Variants in DLG2 observed in about 807,000 individuals in gnomAD.
DLG2 encodes the protein disks large homolog 2.
DLG2 carries 45 observed loss-of-function variants against 132.5 expected under a neutral mutation model. The ratio of observed to expected loss-of-function variants is 0.34; its 90% confidence interval spans 0.27 to 0.44. The LOEUF (loss-of-function observed/expected upper bound fraction) is 0.44, where lower values mean the gene tolerates loss of function less well. Among genes scored for constraint, DLG2 ranks in the 20% least tolerant of loss-of-function variants. The probability of loss-of-function intolerance (pLI) is 1.00; values close to 1 mark genes in which losing one functional copy is unlikely to be tolerated. For synonymous variants in DLG2, 424 were observed against 419.6 expected, an observed-to-expected ratio of 1.01 and a Z score of -0.13; for missense variants, 1,045 against 1,196.9, an observed-to-expected ratio of 0.87 and a Z score of 1.87.
intron 19 of DLG2, among the ~76,000 whole-genome samples, chr11:83,602,335 C>T (rs1167094196): frequency 1.3e-5 from 2 of 152,214 alleles, no homozygotes; most frequent in African/African-American, 2.4e-5. Flanking sequence ...ACAGATTAGT[C>T]ATCTGAGTCA....
At chr11:85,529,996 T>G (rs930075181) in intron 3 of DLG2, among the ~76,000 whole-genome samples, 2 of 149,912 alleles carry the variant, frequency 1.3e-5, no homozygotes, top group African/African-American at 4.9e-5. Context: ...TGTTTTTTTT[T>G]TTTTTTTTTT....
At chr11:83,935,743 T>G (rs1234940848) in intron 14 of DLG2, among the ~76,000 whole-genome samples, 7 of 152,258 alleles carry the variant, frequency 4.6e-5, no homozygotes, top group Admixed American at 2.6e-4. Context: ...TTAAAAAGAT[T>G]TTTCTGTTTA....
intron 6 of DLG2, among the ~76,000 whole-genome samples, chr11:84,927,816 G>C (rs775459104): frequency 3.9e-5 from 6 of 151,934 alleles, no homozygotes; most frequent in African/African-American, 9.7e-5. Context: ...CTAGAGCAGT[G>C]GTACTCAAAG....
At chr11:85,117,556 C>G (rs2073788351) in intron 5 of DLG2, among the ~76,000 whole-genome samples, 1 of 150,490 alleles carries the variant, frequency 6.6e-6, no homozygotes, top group African/African-American at 2.4e-5. Flanking sequence ...TTCTTATTTC[C>G]CTCTTATGCT....
chr11:84,402,649 G>A (rs1302945597), intron 7 of DLG2, among the ~76,000 whole-genome samples: 1 of 151,882 alleles, frequency 6.6e-6, no homozygotes, highest in East Asian at 1.9e-4. Context: ...TTGAGAGGCC[G>A]AGGCGGGCGG....
In DLG2 at chr11:84,425,981, G is replaced by A. The variant is rs141673377; in HGVS notation, c.519+108589C>T. On this transcript the variant is annotated intron_variant, in intron 7 of 27. Coordinates refer to ENST00000376104, the MANE Select transcript of DLG2 (RefSeq NM_001142699.3). ...TTTGTTGTTGTTGTTGTTTTTTAAT[G>A]GAAGCAGGGCACTGAAGACATGGTA... 5.2e-3 allele frequency among the ~76,000 whole-genome samples: 796 copies of A among 152,130 alleles called. 11 individuals carry two copies. The highest frequency in any genetic ancestry group is 0.019 in the African/African-American group (768 of 41,498).
intron 6 of DLG2, among the ~76,000 whole-genome samples, chr11:84,919,101 A>G (rs1168857646): frequency 6.6e-6 from 1 of 152,130 alleles, no homozygotes; most frequent in Non-Finnish European, 1.5e-5. Flanking sequence ...ATTTTAATTG[A>G]GCCCAATTTC....
chr11:83,543,532 C>T (rs902763011), intron 19 of DLG2, among the ~76,000 whole-genome samples: 2 of 152,120 alleles, frequency 1.3e-5, no homozygotes, highest in Admixed American at 6.6e-5. Flanking sequence ...AGTCTTACAG[C>T]TAGTCAGCTG....
At chr11:83,832,184 T>C (rs7949466) in intron 17 of DLG2, among the ~76,000 whole-genome samples, 1 of 152,136 alleles carries the variant, frequency 6.6e-6, no homozygotes, top group Non-Finnish European at 1.5e-5. Flanking sequence ...TGTGTGCCTA[T>C]AGTCACCAAT....
At chr11:85,027,777 C>A (rs1248446743) in intron 6 of DLG2, among the ~76,000 whole-genome samples, 1 of 152,196 alleles carries the variant, frequency 6.6e-6, no homozygotes, top group Non-Finnish European at 1.5e-5. Flanking sequence ...TTGGAGACAC[C>A]AGGAACCAAA....
intron 3 of DLG2, among the ~76,000 whole-genome samples, chr11:85,377,803 A>ATATATATATATATATATATATATATG (rs35141583): frequency 5.4e-4 from 71 of 131,252 alleles, no homozygotes; most frequent in Non-Finnish European, 1.1e-3. Flanking sequence ...ATATATATAT[A>ATATATATATATATATATATATATATG]TGTGTGTGTG....
At chr11:83,959,241 T>C (rs563655043) in intron 14 of DLG2, among the ~76,000 whole-genome samples, 1 of 152,274 alleles carries the variant, frequency 6.6e-6, no homozygotes, top group Non-Finnish European at 1.5e-5. Context: ...ACCTAGGTTA[T>C]TGTAGAATTA....
intron 6 of DLG2, among the ~76,000 whole-genome samples, chr11:84,843,778 G>C (rs2081014206): frequency 6.6e-6 from 1 of 151,652 alleles, no homozygotes. Context: ...GTTCAATACG[G>C]ACACAACCAT....
chr11:83,855,919 G>T (rs140323383), intron 16 of DLG2, among the ~76,000 whole-genome samples: 26 of 152,168 alleles, frequency 1.7e-4, no homozygotes, highest in African/African-American at 6.0e-4. Flanking sequence ...TGTTGTACAG[G>T]TTATGTCATT....
At chr11:84,357,870 T>C (rs2154418163) in intron 7 of DLG2, among the ~76,000 whole-genome samples, 1 of 151,874 alleles carries the variant, frequency 6.6e-6, no homozygotes, top group African/African-American at 2.4e-5. Context: ...TAGGTAAGAG[T>C]CTCAAATTTC....
chr11:84,741,609 C>A (rs976065929), intron 6 of DLG2, among the ~76,000 whole-genome samples: 2 of 151,958 alleles, frequency 1.3e-5, no homozygotes, highest in Admixed American at 6.5e-5. Flanking sequence ...CTATGGCACC[C>A]ACCTAGAACC....
intron 3 of DLG2, among the ~76,000 whole-genome samples, chr11:85,482,510 C>A (rs764534492): frequency 6.6e-6 from 1 of 152,168 alleles, no homozygotes; most frequent in Non-Finnish European, 1.5e-5. Context: ...CCTCTGTGTA[C>A]CTACTACTCA....
chr11:85,517,709 C>T (rs1258611244), intron 3 of DLG2, among the ~76,000 whole-genome samples: 1 of 151,880 alleles, frequency 6.6e-6, no homozygotes, highest in African/African-American at 2.4e-5. Context: ...GAATCTGGGA[C>T]TCAAGTGATC....
At chr11:85,399,992 G>A (rs1172711992) in intron 3 of DLG2, among the ~76,000 whole-genome samples, 1 of 151,856 alleles carries the variant, frequency 6.6e-6, no homozygotes, top group Non-Finnish European at 1.5e-5. Context: ...GAGTGAACAG[G>A]CAACCTACAA....
Sources: gnomAD v4.1 joint callset for allele counts (sites outside exome capture counted in the v4.1 genomes callset) on GRCh38, gnomAD v4.1.1 for gene constraint, MANE v1.5 for transcripts, NCBI Gene and HGNC (gene_info 2026-07-23, HGNC 2026-07-21) for gene names.